The following DLGAP1 variants were observed in gnomAD, a reference collection of about 807,000 sequenced individuals.
DLGAP1 encodes the protein disks large-associated protein 1.
Under a neutral mutation model 90.8 loss-of-function variants are expected in DLGAP1, and 11 were observed. The observed-to-expected ratio is 0.12, with a 90% CI of 0.08 to 0.20. The LOEUF is 0.20. Among genes scored for constraint, DLGAP1 ranks in the 10% least tolerant of loss-of-function variants. The probability of loss-of-function intolerance (pLI) is 1.00; values close to 1 mark genes in which losing one functional copy is unlikely to be tolerated. For synonymous variants in DLGAP1, 558 were observed against 540.7 expected (o/e 1.03, Z -0.44); for missense variants, 1,050 against 1,333.8 (o/e 0.79, Z 3.31).
intron 1 of DLGAP1, among the ~76,000 whole-genome samples, chr18:4,186,439 C>CA (rs1356494157): frequency 6.6e-6 from 1 of 151,992 alleles, no homozygotes; most frequent in African/African-American, 2.4e-5. Flanking sequence ...ACCTGTCTTT[C>CA]ATTGATTTTT....
At chr18:3,826,147 G>T (rs2067699904) in intron 4 of DLGAP1, among the ~76,000 whole-genome samples, 1 of 152,142 alleles carries the variant, frequency 6.6e-6, no homozygotes. Context: ...TGAAGGGCAA[G>T]GGTTGAAAAA....
chr18:4,126,532 T>C (rs1240876748), intron 2 of DLGAP1, among the ~76,000 whole-genome samples: 1 of 152,246 alleles, frequency 6.6e-6, no homozygotes, highest in Admixed American at 6.5e-5. Flanking sequence ...CATGTGTGTA[T>C]GTGTCACATA....
intron 7 of DLGAP1, among the ~76,000 whole-genome samples, chr18:3,662,856 G>A (rs1032942666): frequency 6.6e-6 from 1 of 152,204 alleles, no homozygotes; most frequent in Admixed American, 6.5e-5. Context: ...ATCAGTATAC[G>A]TTGGACATAT....
At chr18:4,087,118 A>G (rs1169662192) in intron 2 of DLGAP1, among the ~76,000 whole-genome samples, 1 of 135,780 alleles carries the variant, frequency 7.4e-6, no homozygotes, top group African/African-American at 2.9e-5. Flanking sequence ...ATATATATAC[A>G]CACACACATT....
At chr18:4,159,569 T>TC (rs1228656849) in intron 1 of DLGAP1, among the ~76,000 whole-genome samples, 1 of 152,130 alleles carries the variant, frequency 6.6e-6, no homozygotes, top group African/African-American at 2.4e-5. Context: ...AAATGAAAGC[T>TC]CCCCACGGAA....
At chr18:3,726,546 A>T (rs560675259) in intron 7 of DLGAP1, among the ~76,000 whole-genome samples, 12 of 152,280 alleles carry the variant, frequency 7.9e-5, no homozygotes, top group African/African-American at 2.9e-4. Flanking sequence ...TAAAATAAAG[A>T]ATTTTTAAAG....
intron 1 of DLGAP1, among the ~76,000 whole-genome samples, chr18:4,228,410 T>C (rs1394118012): frequency 6.6e-6 from 1 of 151,984 alleles, no homozygotes; most frequent in Non-Finnish European, 1.5e-5. Context: ...TACAGGCCAA[T>C]ATCCCTGATG....
At chr18:4,041,809 T>G (rs1438510684) in intron 2 of DLGAP1, among the ~76,000 whole-genome samples, 1 of 152,186 alleles carries the variant, frequency 6.6e-6, no homozygotes, top group Non-Finnish European at 1.5e-5. Context: ...TGTTAGGGAT[T>G]TAAACAATAA....
intron 7 of DLGAP1, among the ~76,000 whole-genome samples, chr18:3,691,285 C>A (rs765891830): frequency 6.6e-5 from 10 of 152,062 alleles, no homozygotes; most frequent in Non-Finnish European, 1.0e-4. Context: ...CCCATCTCCA[C>A]TGCGTGATGG....
intron 8 of DLGAP1, among the ~76,000 whole-genome samples, chr18:3,578,442 TG>T (rs2055284749): frequency 6.6e-6 from 1 of 151,812 alleles, no homozygotes; most frequent in Non-Finnish European, 1.5e-5. Context: ...CTGCAACCTC[TG>T]CCTCCTGGGT....
chr18:4,310,020 A>G (rs1195139478), intron 1 of DLGAP1, among the ~76,000 whole-genome samples: 2 of 152,204 alleles, frequency 1.3e-5, no homozygotes, highest in Non-Finnish European at 2.9e-5. Context: ...CTTGAGGACT[A>G]AATATTGTGT....
chr18:3,947,673 C>T (rs1483750360), intron 3 of DLGAP1, among the ~76,000 whole-genome samples: 1 of 152,216 alleles, frequency 6.6e-6, no homozygotes, highest in Non-Finnish European at 1.5e-5. Flanking sequence ...AATTTCACTA[C>T]CATTTGTGAG....
At chr18:3,806,138 G>A (rs370629890) in intron 5 of DLGAP1, among the ~76,000 whole-genome samples, 19 of 152,240 alleles carry the variant, frequency 1.2e-4, no homozygotes, top group African/African-American at 4.3e-4. Flanking sequence ...TGCATAAGAA[G>A]AATTTCTTTA....
chr18:4,226,703 G>T (rs1447973260), intron 1 of DLGAP1, among the ~76,000 whole-genome samples: 2 of 143,278 alleles, frequency 1.4e-5, no homozygotes, highest in Non-Finnish European at 3.0e-5. Context: ...AAAAAACAGT[G>T]TATACACAAA....
chr18:3,897,805 T>C (rs1165958475), intron 3 of DLGAP1, among the ~76,000 whole-genome samples: 1 of 105,802 alleles, frequency 9.5e-6, no homozygotes, highest in Non-Finnish European at 1.9e-5. Context: ...TTTTTTTTTT[T>C]GAGACGGAGT....
chr18:4,447,021 T>C (rs1411750866), intron 1 of DLGAP1, among the ~76,000 whole-genome samples: 1 of 152,186 alleles, frequency 6.6e-6, no homozygotes, highest in Non-Finnish European at 1.5e-5. Context: ...ATAAAATGTA[T>C]CACCAAGTGT....
intron 7 of DLGAP1, among the ~76,000 whole-genome samples, chr18:3,675,750 G>A (rs1197102623): frequency 6.6e-6 from 1 of 152,202 alleles, no homozygotes; most frequent in Non-Finnish European, 1.5e-5. Flanking sequence ...TGGTGTGCTG[G>A]TAAATGTTTA....
At chr18:3,738,486 C>G (rs1291816844) in intron 6 of DLGAP1, among the ~76,000 whole-genome samples, 1 of 148,862 alleles carries the variant, frequency 6.7e-6, no homozygotes, top group Non-Finnish European at 1.5e-5. Flanking sequence ...CTACAACTAT[C>G]TGATCTTTGA....
At position 3,989,362 on chromosome 18, in the gene DLGAP1, G is replaced by A. The variant is rs368422484; in HGVS notation, c.-73+15754C>T. The stretch of plus-strand genomic sequence containing the variant: ...CTAATTCCTGTAGCCTTTACGGGCA[G>A]GAACAGAGCTGGTAAGTGGCAGGCT... On this transcript the variant is annotated intron_variant, in intron 3 of 12. Coordinates refer to ENST00000315677, the MANE Select transcript of DLGAP1 (RefSeq NM_004746.4). Among the ~76,000 whole-genome samples the A allele has an allele frequency of 8.5e-5, 13 of 152,332 alleles. 1 individual carries two copies. The South Asian group carries it at 1.2e-3, about 15-fold the overall frequency.
Sources: gnomAD v4.1 joint callset for allele counts (sites outside exome capture counted in the v4.1 genomes callset) on GRCh38, gnomAD v4.1.1 for gene constraint, MANE v1.5 for transcripts, NCBI Gene and HGNC (gene_info 2026-07-23, HGNC 2026-07-21) for gene names.